The following EHMT1 variants were observed in gnomAD, a reference collection of about 807,000 sequenced individuals.
The protein encoded by EHMT1 is euchromatic histone lysine methyltransferase 1.
In EHMT1, 15 loss-of-function variants were observed where a neutral mutation model predicts 147.2. The observed-to-expected ratio is 0.10, with a 90% confidence interval of 0.07 to 0.16. The LOEUF (loss-of-function observed/expected upper bound fraction) is 0.16. Ranked by LOEUF, EHMT1 falls within the 10% of genes least tolerant of loss-of-function variation. EHMT1 has a pLI of 1.00. For synonymous variants in EHMT1, 795 were observed against 709.6 expected (o/e 1.12, Z -1.91); for missense variants, 1,587 against 1,772.4 (o/e 0.90, Z 1.88).
At chr9:137,724,826 G>A (rs1946425329) in intron 3 of EHMT1, among the ~76,000 whole-genome samples, 1 of 151,784 alleles carries the variant, frequency 6.6e-6, no homozygotes, top group African/African-American at 2.4e-5. Flanking sequence ...GCATTCGTGT[G>A]GTAGACTTGT....
rs1438523631 is a variant in EHMT1, at chr9:137,776,473, G to A, written c.1792-145G>A. On this transcript the variant is annotated intron_variant, in intron 11 of 26. Transcript: ENST00000460843. This position sits in a 1 kb window ranked among gnomAD's most constrained non-coding sequence, Gnocchi z 4.4. The stretch of plus-strand genomic sequence containing the variant: ...CGTTCCTCCTTCTTAACGATGCCTG[G>A]GGCCAAGACTGGACCCCACCCCGAC... 1.4e-6 allele frequency: 1 copy of A among 727,864 alleles called. No homozygotes were observed. The highest frequency in any genetic ancestry group is 1.8e-5 in the African/African-American group (1 of 56,888). 45.1% of individuals were successfully genotyped at this position (727,864 alleles called of 1,614,324 possible).
In EHMT1 at chr9:137,719,537, C is replaced by T. The variant is rs936920096; in HGVS notation, c.642+2355C>T. On this transcript the variant is annotated intron_variant, in intron 3 of 26. Coordinates refer to ENST00000460843, the MANE Select transcript of EHMT1 (RefSeq NM_024757.5). ...CAGGCTGGCCGGCCTGACCCGACCT[C>T]AACCTTTTGCAGTATTCTTCTGTAC... Among the ~76,000 whole-genome samples the T allele has an allele frequency of 3.3e-5, 5 of 152,194 alleles. 1 individual carries two copies. In the South Asian group the frequency reaches 1.0e-3, roughly 31 times the overall value.
Position 137,743,630 on chromosome 9 carries a change from G to A in EHMT1, c.981+102G>A, listed in dbSNP as rs762929393. On this transcript the variant is annotated intron_variant, in intron 5 of 26. Coordinates refer to ENST00000460843, the MANE Select transcript of EHMT1 (RefSeq NM_024757.5). The stretch of plus-strand genomic sequence containing the variant: ...TTTGGGTGACCTCAGTCCCCGGGAA[G>A]GTGCCAGTGCCATGAAGCTCCTCTG... The A allele has an allele frequency of 2.0e-4, 305 of 1,545,452 alleles. 2 individuals carry two copies. The highest frequency in any genetic ancestry group is 8.6e-4 in the Middle Eastern group (5 of 5,830).
intron 1 of EHMT1, among the ~76,000 whole-genome samples, chr9:137,697,807 A>C (rs756680549): frequency 6.6e-5 from 10 of 152,244 alleles, no homozygotes; most frequent in Non-Finnish European, 1.3e-4. Context: ...TAAGATGATT[A>C]TATTTTCTCC....
intron 16 of EHMT1, 98 bp from the exon 17 acceptor site, chr9:137,798,715 G>A (rs1006129268): frequency 1.6e-5 from 16 of 977,116 alleles, no homozygotes; most frequent in East Asian, 2.4e-5. Context: ...TACCCCACCC[G>A]CATGGTAGAC....
At chr9:137,681,446 A>G (rs1319383378) in intron 1 of EHMT1, among the ~76,000 whole-genome samples, 2 of 152,206 alleles carry the variant, frequency 1.3e-5, no homozygotes, top group Non-Finnish European at 2.9e-5. Context: ...TTGGCTTAAT[A>G]TATTATTGAT....
rs58155449 is a variant in EHMT1, at chr9:137,812,955, C to T, written c.2868-51C>T. 29,491 of 1,607,882 alleles carry T rather than the reference C, an allele frequency of 0.018. 4,473 individuals carry two copies. The African/African-American group carries it at 0.34, about 19-fold the overall frequency. On this transcript the variant is annotated intron_variant, in intron 19 of 26. Transcript: ENST00000460843. ...CATTTTATAAATCTCATCTGTATCA[C>T]ATTTTCAAGTCAGCTTTAAATGTTT...
At chr9:137,799,073 G>C (rs868395343) in intron 17 of EHMT1, among the ~76,000 whole-genome samples, 159 bp downstream of exon 17, 2 of 150,122 alleles carry the variant, frequency 1.3e-5, no homozygotes, top group Non-Finnish European at 1.5e-5. Context: ...CTTAGGGCCA[G>C]CTCGGACCCT....
At chr9:137,738,659 C>T (rs1318413597) in intron 4 of EHMT1, 4 of 152,078 alleles carry the variant, frequency 2.6e-5, no homozygotes, top group South Asian at 2.1e-4. Flanking sequence ...GGCTGTCGGG[C>T]GAACGGATCA....
chr9:137,788,834 T>C (rs556941234), intron 15 of EHMT1: 1 of 152,402 alleles, frequency 6.6e-6, no homozygotes, highest in Admixed American at 6.5e-5. Context: ...ACTTGGTCAG[T>C]GTCAGCCGCT....
chr9:137,619,356 A>G (rs915050710), intron 1 of EHMT1, among the ~76,000 whole-genome samples: 1 of 148,914 alleles, frequency 6.7e-6, no homozygotes, highest in African/African-American at 2.5e-5. Flanking sequence ...CCCCCCACGG[A>G]CCCCGTGCCG....
chr9:137,678,697 GT>G (rs1244324587), intron 1 of EHMT1, among the ~76,000 whole-genome samples: 1 of 150,440 alleles, frequency 6.6e-6, no homozygotes, highest in African/African-American at 2.5e-5. Flanking sequence ...CACAGTAAAA[GT>G]TATATGAATG....
At chr9:137,791,921 T>C (rs10867072) in intron 16 of EHMT1, 105,021 of 324,124 alleles carry the variant, frequency 0.32, 17,761 homozygotes, top group Admixed American at 0.44. Flanking sequence ...TTAGTAGAGA[T>C]GGGGTTTCAC....
In EHMT1 at chr9:137,782,959, C is replaced by G. The variant is rs1239049796; in HGVS notation, c.2382+562C>G. Among the ~76,000 whole-genome samples, 1 of 152,218 alleles carries G rather than the reference C, an allele frequency of 6.6e-6. No individual in the cohort carries two copies. The highest frequency in any genetic ancestry group is 1.5e-5 in the Non-Finnish European group (1 of 68,042). ...TTTGTCCCCCTGTGACGCCCCTTCC[C>G]TGATCCCGGTGTTGGATCCCCTGTT... On this transcript the variant is annotated intron_variant, in intron 15 of 26. Coordinates refer to ENST00000460843, the MANE Select transcript of EHMT1 (RefSeq NM_024757.5). This position sits in a 1 kb window ranked among gnomAD's most constrained non-coding sequence, Gnocchi z 5.7.
intron 1 of EHMT1, among the ~76,000 whole-genome samples, chr9:137,686,064 A>G (rs1256243929): frequency 6.6e-6 from 1 of 152,172 alleles, no homozygotes; most frequent in Non-Finnish European, 1.5e-5. Context: ...GGTGTGAGCC[A>G]CTGTGCCAGG....
chr9:137,833,397 C>T (rs1340101755), intron 25 of EHMT1, among the ~76,000 whole-genome samples: 3 of 152,238 alleles, frequency 2.0e-5, no homozygotes, highest in Non-Finnish European at 4.4e-5. Context: ...AGGGGTTGGG[C>T]GTGCCGGGCC....
chr9:137,730,247 G>A lies in EHMT1; in HGVS notation c.823+1718G>A, dbSNP rs563331220. ...CATGTCTTGCAGGGAGAGACCCTAA[G>A]GTGCTGCATGTACCTCCCATCACAT... On this transcript the variant is annotated intron_variant, in intron 4 of 26. Transcript: ENST00000460843. 3.3e-5 allele frequency among the ~76,000 whole-genome samples: 5 copies of A among 152,302 alleles called. No individual in the cohort carries two copies. The South Asian group carries it at 1.0e-3, about 32-fold the overall frequency.
At chr9:137,797,469 A>G (rs1953057417) in intron 16 of EHMT1, among the ~76,000 whole-genome samples, 1 of 152,140 alleles carries the variant, frequency 6.6e-6, no homozygotes, top group Non-Finnish European at 1.5e-5. Context: ...TGCTTGCCCA[A>G]GGTCTCTGCC....
At chr9:137,658,839 G>A (rs1938764994) in intron 1 of EHMT1, among the ~76,000 whole-genome samples, 1 of 152,020 alleles carries the variant, frequency 6.6e-6, no homozygotes, top group African/African-American at 2.4e-5. Context: ...TGCCCAGGCT[G>A]GTCTCAAGCT....
Sources: gnomAD v4.1 joint callset for allele counts (sites outside exome capture counted in the v4.1 genomes callset) on GRCh38, gnomAD v4.1.1 for gene constraint, Gnocchi (gnomAD v3.1) non-coding constraint, MANE v1.5 for transcripts, NCBI Gene and HGNC (gene_info 2026-07-23, HGNC 2026-07-21) for gene names.